TAFA2: variants seen among roughly 807,000 people sequenced by gnomAD.
The protein encoded by TAFA2 is TAFA chemokine like family member 2, also known as chemokine-like protein TAFA-2.
Under a neutral mutation model 18.8 loss-of-function variants are expected in TAFA2, and 7 were observed. The observed-to-expected ratio is 0.37, with a 90% CI of 0.21 to 0.70. The LOEUF is 0.70. Among genes scored for constraint, TAFA2 ranks in the 30% least tolerant of loss-of-function variants. The pLI is 0.53. For synonymous variants in TAFA2, 60 were observed against 54.2 expected, an observed-to-expected ratio of 1.11 and a Z score of -0.47; for missense variants, 122 against 158.1, an observed-to-expected ratio of 0.77 and a Z score of 1.23.
chr12:61,794,680 G>T (rs1342090599), intron 2 of TAFA2, among the ~76,000 whole-genome samples: 1 of 151,882 alleles, frequency 6.6e-6, no homozygotes, highest in Non-Finnish European at 1.5e-5. Context: ...GCCACTAAAA[G>T]TCCTACAGAA....
intron 1 of TAFA2, among the ~76,000 whole-genome samples, chr12:61,943,588 A>C (rs1235860988): frequency 1.3e-5 from 2 of 151,276 alleles, no homozygotes; most frequent in African/African-American, 4.9e-5. Context: ...ACATAGGCTC[A>C]AAATAAAAGG....
chr12:62,242,307 C>G (rs1252323330), intron 1 of TAFA2: 1 of 151,774 alleles, frequency 6.6e-6, no homozygotes, highest in Admixed American at 6.6e-5. Context: ...AATTAAAAAT[C>G]AAGCAATTAT....
intron 2 of TAFA2, among the ~76,000 whole-genome samples, chr12:61,833,413 A>G (rs1228321469): frequency 1.3e-5 from 2 of 151,866 alleles, no homozygotes; most frequent in African/African-American, 4.8e-5. Flanking sequence ...GTAGCCCCAA[A>G]CTATCTTTAT....
At chr12:61,881,810 T>A (rs1875153665) in intron 1 of TAFA2, among the ~76,000 whole-genome samples, 1 of 152,064 alleles carries the variant, frequency 6.6e-6, no homozygotes, top group African/African-American at 2.4e-5. Context: ...ATTCTGCATG[T>A]CAAATACAGC....
chr12:61,713,386 T>G lies in TAFA2; in HGVS notation c.385-2969A>C, dbSNP rs556239206. 1.1e-4 allele frequency among the ~76,000 whole-genome samples: 16 copies of G among 152,302 alleles called. No homozygotes were observed. The South Asian group carries it at 3.3e-3, about 32-fold the overall frequency. ...TACTCTTGCTTGGGAGACTGCATGA[T>G]TCACAAATTGTTCTTTGCTCAATTT... On this transcript the variant is annotated intron_variant, in intron 4 of 4. Coordinates refer to ENST00000416284, the MANE Select transcript of TAFA2 (RefSeq NM_178539.5).
chr12:62,152,213 T>C (rs553870562), intron 1 of TAFA2, among the ~76,000 whole-genome samples: 9 of 152,342 alleles, frequency 5.9e-5, no homozygotes, highest in Admixed American at 2.0e-4. Context: ...CATTCTCAGA[T>C]ACTGTTTTGT....
At chr12:62,176,393 T>C (rs1289112846) in intron 1 of TAFA2, among the ~76,000 whole-genome samples, 2 of 152,162 alleles carry the variant, frequency 1.3e-5, no homozygotes, top group Non-Finnish European at 2.9e-5. Context: ...AACTGCTGCA[T>C]AGACTATTCC....
At chr12:62,095,552 T>C (rs1868913330) in intron 1 of TAFA2, among the ~76,000 whole-genome samples, 1 of 152,088 alleles carries the variant, frequency 6.6e-6, no homozygotes, top group Admixed American at 6.6e-5. Flanking sequence ...CTCAAACAAA[T>C]TTCATTTAGT....
At chr12:61,757,282 T>C (rs1869316632) in intron 2 of TAFA2, among the ~76,000 whole-genome samples, 1 of 151,850 alleles carries the variant, frequency 6.6e-6, no homozygotes, top group African/African-American at 2.4e-5. Context: ...GATTTACCAG[T>C]GGGTAGAATG....
At chr12:61,748,232 C>CAT (rs1415568906) in intron 4 of TAFA2, among the ~76,000 whole-genome samples, 1 of 152,076 alleles carries the variant, frequency 6.6e-6, no homozygotes, top group Non-Finnish European at 1.5e-5. Context: ...CATGAGTGTG[C>CAT]ATATGCATGT....
chr12:62,073,671 G>A (rs753436364), intron 1 of TAFA2, among the ~76,000 whole-genome samples: 4 of 151,960 alleles, frequency 2.6e-5, no homozygotes, highest in South Asian at 2.1e-4. Flanking sequence ...TTTGACTTTA[G>A]GTCTGTTTAA....
chr12:61,799,459 A>G (rs895190106), intron 2 of TAFA2, among the ~76,000 whole-genome samples: 19 of 151,858 alleles, frequency 1.3e-4, no homozygotes, highest in African/African-American at 4.4e-4. Context: ...CCCTCTTAAG[A>G]TAAGACTACT....
At chr12:61,781,448 A>G (rs1283126912) in intron 2 of TAFA2, among the ~76,000 whole-genome samples, 2 of 151,786 alleles carry the variant, frequency 1.3e-5, no homozygotes, top group Non-Finnish European at 2.9e-5. Flanking sequence ...GTTTTATTAA[A>G]CATATTTTAC....
chr12:61,788,035 A>G (rs78877788), intron 2 of TAFA2, among the ~76,000 whole-genome samples: 1,596 of 151,870 alleles, frequency 0.011, 13 homozygotes, highest in South Asian at 0.034. Context: ...GAAAATCAAA[A>G]GCAAGTAGGA....
At chr12:61,848,178 A>C (rs1873485333) in intron 2 of TAFA2, among the ~76,000 whole-genome samples, 1 of 152,242 alleles carries the variant, frequency 6.6e-6, no homozygotes, top group African/African-American at 2.4e-5. Flanking sequence ...AACGCAGATG[A>C]ATTGCATGTA....
intron 1 of TAFA2, among the ~76,000 whole-genome samples, chr12:62,106,862 T>C (rs976494004): frequency 8.0e-6 from 1 of 124,720 alleles, no homozygotes; most frequent in African/African-American, 3.0e-5. Context: ...AATAGAGCGT[T>C]CTGTTTTCCA....
intron 1 of TAFA2, chr12:61,879,573 G>T (rs375030689): frequency 4.0e-6 from 3 of 748,722 alleles, no homozygotes; most frequent in Non-Finnish European, 4.9e-6. Context: ...CCAACATCCA[G>T]GCCAGGTTCT....
chr12:62,111,337 C>G (rs1327940021), intron 1 of TAFA2, among the ~76,000 whole-genome samples: 5 of 152,154 alleles, frequency 3.3e-5, no homozygotes, highest in African/African-American at 1.2e-4. Context: ...TTTGATTACA[C>G]TGTGGTCTGA....
At chr12:62,168,610 G>A (rs982711307) in intron 1 of TAFA2, among the ~76,000 whole-genome samples, 1 of 152,148 alleles carries the variant, frequency 6.6e-6, no homozygotes, top group African/African-American at 2.4e-5. Context: ...TGAGGCAGAA[G>A]GATCTCTTAA....
Sources: gnomAD v4.1 joint callset for allele counts (sites outside exome capture counted in the v4.1 genomes callset) on GRCh38, gnomAD v4.1.1 for gene constraint, MANE v1.5 for transcripts, NCBI Gene and HGNC (gene_info 2026-07-23, HGNC 2026-07-21) for gene names.